Variants in SORCS3 observed in about 807,000 individuals in gnomAD.
The protein encoded by SORCS3 is sortilin related VPS10 domain containing receptor 3, also known as VPS10 domain-containing receptor SorCS3.
SORCS3 carries 57 observed loss-of-function variants against 146.3 expected under a neutral mutation model. The ratio of observed to expected loss-of-function variants is 0.39; its 90% CI spans 0.31 to 0.49. SORCS3 has a LOEUF of 0.49. Among genes scored for constraint, SORCS3 ranks in the 20% least tolerant of loss-of-function variants. The pLI is 0.92. For synonymous variants in SORCS3, 653 were observed against 618.5 expected (o/e 1.06, Z -0.83); for missense variants, 1,341 against 1,575.5 (o/e 0.85, Z 2.52).
chr10:104,978,369 A>C (rs1468241381), intron 4 of SORCS3, among the ~76,000 whole-genome samples: 1 of 152,192 alleles, frequency 6.6e-6, no homozygotes, highest in Non-Finnish European at 1.5e-5. Flanking sequence ...GACCCCAATA[A>C]GACCTCCTTC....
chr10:105,230,333 G>A (rs957847256), intron 20 of SORCS3, among the ~76,000 whole-genome samples: 1 of 152,150 alleles, frequency 6.6e-6, no homozygotes, highest in Non-Finnish European at 1.5e-5. Flanking sequence ...AGGTTGGGGA[G>A]TGGGAGTGGT....
intron 13 of SORCS3, among the ~76,000 whole-genome samples, chr10:105,171,721 T>C (rs17118697): frequency 0.033 from 5,087 of 152,280 alleles, 229 homozygotes; most frequent in African/African-American, 0.11. Flanking sequence ...GCAATACACC[T>C]TACCAGAGGG....
intron 2 of SORCS3, among the ~76,000 whole-genome samples, chr10:104,900,970 G>T (rs998407009): frequency 1.3e-5 from 2 of 152,026 alleles, no homozygotes; most frequent in African/African-American, 4.8e-5. Flanking sequence ...GAAAATACTT[G>T]CATTTTTCAG....
chr10:105,191,636 G>T (rs1159110299), intron 14 of SORCS3, among the ~76,000 whole-genome samples: 1 of 152,212 alleles, frequency 6.6e-6, no homozygotes. Context: ...TTTCGTGGAA[G>T]ACAGTTTTCC....
At chr10:104,688,571 C>G (rs1341419910) in intron 1 of SORCS3, among the ~76,000 whole-genome samples, 1 of 152,246 alleles carries the variant, frequency 6.6e-6, no homozygotes, top group Non-Finnish European at 1.5e-5. Context: ...TCTGAGCGTT[C>G]TCACCCCTAA....
intron 6 of SORCS3, among the ~76,000 whole-genome samples, chr10:105,096,633 C>G (rs1041963653): frequency 2.0e-5 from 3 of 152,126 alleles, no homozygotes; most frequent in Non-Finnish European, 2.9e-5. Flanking sequence ...GAAGGCTGCA[C>G]AGAAGAGGCC....
intron 1 of SORCS3, among the ~76,000 whole-genome samples, chr10:104,749,226 G>GGTGTGTGT (rs60550253): frequency 1.4e-4 from 20 of 141,000 alleles, no homozygotes; most frequent in East Asian, 1.1e-3. Flanking sequence ...CAAAGTATAG[G>GGTGTGTGT]GTGTGTGTGT....
At chr10:104,730,842 G>GT (rs1430425162) in intron 1 of SORCS3, among the ~76,000 whole-genome samples, 1 of 152,186 alleles carries the variant, frequency 6.6e-6, no homozygotes, top group Non-Finnish European at 1.5e-5. Flanking sequence ...TGCCAGAACA[G>GT]TTTGGGGGAA....
chr10:105,076,641 C>G (rs1055461888), intron 5 of SORCS3, among the ~76,000 whole-genome samples: 3 of 152,146 alleles, frequency 2.0e-5, no homozygotes, highest in African/African-American at 7.2e-5. Context: ...TGTAGATGTT[C>G]CTCTCTTTTA....
Position 104,641,451 on chromosome 10 carries a change from G to A in SORCS3, c.124G>A (p.Gly42Ser). The change falls in exon 1 of 27, where the codon GGT (glycine) becomes AGT (serine). Residue 42 changes from glycine (G) to serine (S), a missense_variant. Physicochemically the swap from Gly to Ser is moderately conservative, Grantham distance 56. Coordinates refer to ENST00000369701, the MANE Select transcript of SORCS3 (RefSeq NM_014978.3). This position sits in a 1 kb window ranked among gnomAD's most constrained non-coding sequence, Gnocchi z 6.4. The part of the protein sequence containing the change: ...GAEITWDATG[G>S]PGRPAAPASR... ...CGAGATCACTTGGGACGCGACAGGC[G>A]GTCCCGGACGCCCGGCGGCCCCGGC... 1.4e-6 allele frequency: 2 copies of A among 1,468,454 alleles called. No homozygotes were observed. Among genetic ancestry groups the A allele is most frequent in the South Asian group, 1.3e-5 (1 of 77,186 alleles). 91.0% of individuals were successfully genotyped at this position (1,468,454 alleles called of 1,614,324 possible).
At chr10:105,047,599 G>A (rs1441261253) in intron 5 of SORCS3, among the ~76,000 whole-genome samples, 1 of 152,096 alleles carries the variant, frequency 6.6e-6, no homozygotes, top group Non-Finnish European at 1.5e-5. Context: ...GAAGACAACA[G>A]ACATACTATA....
intron 5 of SORCS3, among the ~76,000 whole-genome samples, chr10:105,086,995 T>A (rs543071525): frequency 3.0e-5 from 1 of 33,208 alleles, no homozygotes; most frequent in Non-Finnish European, 6.9e-5. Flanking sequence ...CATGCCTATG[T>A]CCTGGCCCAT....
chr10:105,089,571 C>T (rs986993937), intron 5 of SORCS3, among the ~76,000 whole-genome samples: 1 of 152,210 alleles, frequency 6.6e-6, no homozygotes, highest in African/African-American at 2.4e-5. Flanking sequence ...GTACTCATGT[C>T]TCATGACCCT....
chr10:104,977,004 A>G (rs144021459), intron 3 of SORCS3, among the ~76,000 whole-genome samples: 186 of 152,184 alleles, frequency 1.2e-3, no homozygotes, highest in African/African-American at 4.3e-3. Flanking sequence ...GCACATGTAT[A>G]TATATGTAAC....
chr10:104,777,796 A>C (rs1405582067), intron 1 of SORCS3, among the ~76,000 whole-genome samples: 1 of 152,198 alleles, frequency 6.6e-6, no homozygotes, highest in African/African-American at 2.4e-5. Context: ...GTGGGACTGC[A>C]GTGAGGGTAC....
chr10:105,246,714 G>C (rs1206199377), intron 21 of SORCS3, among the ~76,000 whole-genome samples: 1 of 152,206 alleles, frequency 6.6e-6, no homozygotes, highest in Admixed American at 6.5e-5. Flanking sequence ...CAAGTGTTTA[G>C]TTTTATGCAT....
chr10:104,791,135 C>T (rs1041600255), intron 1 of SORCS3, among the ~76,000 whole-genome samples: 3 of 151,942 alleles, frequency 2.0e-5, no homozygotes, highest in Admixed American at 6.6e-5. Flanking sequence ...AAAGAAAGAA[C>T]GTGAAAGAAT....
intron 3 of SORCS3, among the ~76,000 whole-genome samples, chr10:104,940,238 A>ATATATATATATATATTT (rs1435205868): frequency 1.3e-3 from 42 of 31,442 alleles, no homozygotes; most frequent in Middle Eastern, 0.023. Context: ...ATATATATAT[A>ATATATATATATATATTT]TTTTTTTTTT....
intron 1 of SORCS3, among the ~76,000 whole-genome samples, chr10:104,656,900 T>C (rs1201943605): frequency 6.6e-6 from 1 of 152,158 alleles, no homozygotes; most frequent in African/African-American, 2.4e-5. Flanking sequence ...TTGGCAGATG[T>C]AGTTGATTGT....
Sources: gnomAD v4.1 joint callset for allele counts (sites outside exome capture counted in the v4.1 genomes callset) on GRCh38, gnomAD v4.1.1 for gene constraint, Gnocchi (gnomAD v3.1) non-coding constraint, MANE v1.5 for transcripts, NCBI Gene and HGNC (gene_info 2026-07-23, HGNC 2026-07-21) for gene names.